RORA: variants seen among roughly 807,000 people sequenced by gnomAD.
RORA encodes the protein RAR related orphan receptor A, also known as nuclear receptor ROR-alpha.
In RORA, 7 loss-of-function variants were observed where a neutral mutation model predicts 69.5. The ratio of observed to expected loss-of-function variants is 0.10; its 90% confidence interval spans 0.06 to 0.19. RORA has a LOEUF of 0.19. Among genes scored for constraint, RORA ranks in the 10% least tolerant of loss-of-function variants. The pLI is 1.00. For synonymous variants in RORA, 261 were observed against 240.8 expected, an observed-to-expected ratio of 1.08 and a Z score of -0.78; for missense variants, 457 against 663.0, an observed-to-expected ratio of 0.69 and a Z score of 3.41.
intron 1 of RORA, among the ~76,000 whole-genome samples, chr15:60,985,264 T>G (rs1243001036): frequency 6.6e-6 from 1 of 152,212 alleles, no homozygotes; most frequent in Non-Finnish European, 1.5e-5. Flanking sequence ...TTTGAAGTTC[T>G]TTAAAGAAGG....
At position 61,144,586 on chromosome 15, in the gene RORA, T is replaced by C. The variant is rs62007578; in HGVS notation, c.166+84467A>G. Among the ~76,000 whole-genome samples the C allele has an allele frequency of 2.9e-3, 438 of 152,310 alleles. 1 individual carries two copies. Among genetic ancestry groups the C allele is most frequent in the Middle Eastern group, 0.01 (3 of 294 alleles). The stretch of plus-strand genomic sequence containing the variant: ...TACAAAAAGATGCTCACTCCATTCA[T>C]AACAAAATGTAAATCAAAACAAGTA... On this transcript the variant is annotated intron_variant, in intron 1 of 10. Transcript: ENST00000335670.
intron 1 of RORA, among the ~76,000 whole-genome samples, chr15:61,156,799 T>C (rs1351763679): frequency 6.6e-6 from 1 of 152,216 alleles, no homozygotes; most frequent in African/African-American, 2.4e-5. Context: ...AGTCACACTT[T>C]TATAACTTAG....
At chr15:61,195,487 C>T (rs2079838745) in intron 1 of RORA, among the ~76,000 whole-genome samples, 1 of 151,912 alleles carries the variant, frequency 6.6e-6, no homozygotes. Flanking sequence ...TAATCAATCC[C>T]ACTATGTATT....
At chr15:61,153,776 G>C (rs2035256317) in intron 1 of RORA, among the ~76,000 whole-genome samples, 1 of 151,986 alleles carries the variant, frequency 6.6e-6, no homozygotes, top group Admixed American at 6.6e-5. Context: ...ATGCACAATT[G>C]CTAAGAACCC....
chr15:60,864,048 G>C (rs7165952), intron 1 of RORA, among the ~76,000 whole-genome samples: 4 of 151,946 alleles, frequency 2.6e-5, no homozygotes, highest in Non-Finnish European at 5.9e-5. Flanking sequence ...CTCGTGATCC[G>C]CCTGCCACAG....
At chr15:60,742,520 A>G (rs1006797779) in intron 1 of RORA, among the ~76,000 whole-genome samples, 1 of 152,178 alleles carries the variant, frequency 6.6e-6, no homozygotes, top group Non-Finnish European at 1.5e-5. Context: ...TCTGATGGCA[A>G]TTTGTAAGTA....
chr15:60,535,949 T>TC (rs60014588), intron 2 of RORA, among the ~76,000 whole-genome samples: 1 of 152,136 alleles, frequency 6.6e-6, no homozygotes, highest in Non-Finnish European at 1.5e-5. Flanking sequence ...TCAAAAGACA[T>TC]CCCCTAAGTA....
At chr15:60,801,931 A>AT (rs200321979) in intron 1 of RORA, among the ~76,000 whole-genome samples, 2,433 of 152,334 alleles carry the variant, frequency 0.016, 77 homozygotes, top group African/African-American at 0.055. Flanking sequence ...TTTATTTGAC[A>AT]TTGCAACCAC....
intron 2 of RORA, among the ~76,000 whole-genome samples, chr15:60,573,346 ATC>A (rs1159759988): frequency 2.0e-5 from 3 of 152,218 alleles, no homozygotes; most frequent in African/African-American, 7.2e-5. Flanking sequence ...CCTTTCATAC[ATC>A]TCTCAACACC....
intron 1 of RORA, among the ~76,000 whole-genome samples, chr15:60,852,314 A>C (rs2073335584): frequency 6.6e-6 from 1 of 152,152 alleles, no homozygotes; most frequent in Admixed American, 6.5e-5. Flanking sequence ...CCTTTCCCCA[A>C]CCCATGTCCA....
At chr15:60,571,751 G>T (rs937485691) in intron 2 of RORA, among the ~76,000 whole-genome samples, 6 of 152,164 alleles carry the variant, frequency 3.9e-5, no homozygotes, top group African/African-American at 1.4e-4. Flanking sequence ...TCTATAAAAT[G>T]CCCAGCTAGC....
chr15:60,861,038 G>T (rs1460306609), intron 1 of RORA, among the ~76,000 whole-genome samples: 1 of 152,158 alleles, frequency 6.6e-6, no homozygotes, highest in Non-Finnish European at 1.5e-5. Context: ...GTCCTTAGGG[G>T]TATCCTTGAC....
At chr15:60,517,971 C>A (rs2066021857) in intron 3 of RORA, among the ~76,000 whole-genome samples, 1 of 152,170 alleles carries the variant, frequency 6.6e-6, no homozygotes, top group Non-Finnish European at 1.5e-5. Flanking sequence ...TCTTTCTAGG[C>A]TCTTTTCCAC....
intron 1 of RORA, among the ~76,000 whole-genome samples, chr15:60,717,127 T>A (rs1361489164): frequency 1.3e-5 from 2 of 152,116 alleles, no homozygotes. Context: ...TATCTCCAGG[T>A]AAACAGTGTT....
At chr15:60,961,047 A>G (rs1893401438) in intron 1 of RORA, among the ~76,000 whole-genome samples, 1 of 152,176 alleles carries the variant, frequency 6.6e-6, no homozygotes, top group Non-Finnish European at 1.5e-5. Context: ...GGCTTTATTC[A>G]TCTTCTTTCC....
Position 60,613,930 on chromosome 15 carries a change from T to C in RORA, c.196+64727A>G, listed in dbSNP as rs1197082783. Reference sequence around the variant, plus strand: ...TTTCAGACAAACAACTGATATCTCATATGGGGAAATTATGTGAAAAAAAAA... The same window carrying C: ...TTTCAGACAAACAACTGATATCTCACATGGGGAAATTATGTGAAAAAAAAA... On this transcript the variant is annotated intron_variant, in intron 2 of 10. Coordinates refer to ENST00000335670, the MANE Select transcript of RORA (RefSeq NM_134261.3). Among the ~76,000 whole-genome samples, 7 of 148,218 alleles carry C rather than the reference T, an allele frequency of 4.7e-5. No individual in the cohort carries two copies. In the East Asian group the frequency reaches 1.2e-3, roughly 25 times the overall value.
intron 1 of RORA, among the ~76,000 whole-genome samples, chr15:61,078,242 C>T (rs1041241487): frequency 1.3e-5 from 2 of 152,162 alleles, no homozygotes; most frequent in African/African-American, 4.8e-5. Context: ...CGGTTCACTG[C>T]AACCTCTGCC....
chr15:61,159,409 C>A (rs1350665438), intron 1 of RORA, among the ~76,000 whole-genome samples: 1 of 152,070 alleles, frequency 6.6e-6, no homozygotes, highest in Non-Finnish European at 1.5e-5. Context: ...AGCTTGTCAC[C>A]CACAGCTAAT....
chr15:61,188,076 C>T (rs1285893630), intron 1 of RORA, among the ~76,000 whole-genome samples: 1 of 152,162 alleles, frequency 6.6e-6, no homozygotes, highest in Non-Finnish European at 1.5e-5. Flanking sequence ...CTTTTAGCAG[C>T]TGGCATATTC....
Sources: gnomAD v4.1 joint callset for allele counts (sites outside exome capture counted in the v4.1 genomes callset) on GRCh38, gnomAD v4.1.1 for gene constraint, MANE v1.5 for transcripts, NCBI Gene and HGNC (gene_info 2026-07-23, HGNC 2026-07-21) for gene names.